The following PKIB variants were observed in gnomAD, a reference collection of about 807,000 sequenced individuals.
PKIB encodes the protein PKI-beta.
PKIB carries 2 observed loss-of-function variants against 4.5 expected under a neutral mutation model. That is an observed-to-expected ratio of 0.44 (90% CI 0.18 to 1.39). PKIB has a LOEUF of 1.39. Among genes scored for constraint, PKIB ranks in the 40% most tolerant of loss-of-function variants. The probability of loss-of-function intolerance (pLI) is 0.27; values close to 1 mark genes in which losing one functional copy is unlikely to be tolerated. For synonymous variants in PKIB, 38 were observed against 36.0 expected (o/e 1.06, Z -0.20); for missense variants, 94 against 92.6 (o/e 1.02, Z -0.06).
At chr6:122,566,386 A>G (rs948736208) in intron 2 of PKIB, among the ~76,000 whole-genome samples, 1 of 151,908 alleles carries the variant, frequency 6.6e-6, no homozygotes, top group African/African-American at 2.4e-5. Context: ...TTAATACTGA[A>G]CTCAATTATT....
intron 2 of PKIB, among the ~76,000 whole-genome samples, chr6:122,495,099 T>G (rs1776039404): frequency 6.6e-6 from 1 of 152,188 alleles, no homozygotes. Context: ...CAGCTTGGGC[T>G]CCCAGCACAG....
At chr6:122,654,301 T>C (rs1192838791) in intron 2 of PKIB, among the ~76,000 whole-genome samples, 2 of 152,212 alleles carry the variant, frequency 1.3e-5, no homozygotes, top group African/African-American at 4.8e-5. Flanking sequence ...AATAAGATCA[T>C]GTTTGTGTAA....
At chr6:122,690,933 T>TATATATATATATATA (rs397788048) in intron 3 of PKIB, among the ~76,000 whole-genome samples, 10 of 112,460 alleles carry the variant, frequency 8.9e-5, no homozygotes, top group African/African-American at 2.4e-4. Context: ...TATATATATA[T>TATATATATATATATA]TTTTTTTTTT....
At chr6:122,723,777 ACT>A (rs1441839211) in intron 4 of PKIB, among the ~76,000 whole-genome samples, 1 of 152,094 alleles carries the variant, frequency 6.6e-6, no homozygotes, top group African/African-American at 2.4e-5. Flanking sequence ...TTCCCAGCTA[ACT>A]CTGTCTAGAA....
intron 2 of PKIB, among the ~76,000 whole-genome samples, chr6:122,522,666 G>C (rs1459890873): frequency 1.3e-5 from 2 of 152,140 alleles, no homozygotes; most frequent in African/African-American, 4.8e-5. Flanking sequence ...AGTGGAGGGA[G>C]TTTCCCCAAC....
chr6:122,715,651 A>G (rs1487327301), intron 3 of PKIB, among the ~76,000 whole-genome samples: 5 of 149,414 alleles, frequency 3.3e-5, no homozygotes, highest in Non-Finnish European at 7.4e-5. Flanking sequence ...TATTTTATGT[A>G]TATATATATA....
intron 2 of PKIB, among the ~76,000 whole-genome samples, chr6:122,526,703 A>G (rs2114609939): frequency 6.6e-6 from 1 of 152,250 alleles, no homozygotes. Context: ...GAGCACAAGC[A>G]GAGTAGATTT....
intron 2 of PKIB, among the ~76,000 whole-genome samples, chr6:122,580,117 T>C (rs1487297478): frequency 6.6e-6 from 1 of 152,178 alleles, no homozygotes; most frequent in Non-Finnish European, 1.5e-5. Flanking sequence ...TAGTTTGATA[T>C]ATAAAAGCAT....
chr6:122,485,783 G>A (rs1775749667), intron 2 of PKIB, among the ~76,000 whole-genome samples: 1 of 152,196 alleles, frequency 6.6e-6, no homozygotes, highest in African/African-American at 2.4e-5. Flanking sequence ...TGCATCTGTT[G>A]AAGTCTTTAT....
intron 2 of PKIB, among the ~76,000 whole-genome samples, chr6:122,507,431 T>TA (rs1776443056): frequency 6.6e-6 from 1 of 152,182 alleles, no homozygotes; most frequent in Non-Finnish European, 1.5e-5. Flanking sequence ...TTGTTGTAGT[T>TA]ACAGGGAGAC....
chr6:122,612,593 T>G (rs185880423), intron 1 of PKIB, among the ~76,000 whole-genome samples: 51 of 152,326 alleles, frequency 3.3e-4, no homozygotes, highest in African/African-American at 1.1e-3. Flanking sequence ...ATAATGTTTT[T>G]GGGGTTCAGC....
At chr6:122,569,422 A>C (rs1183159340) in intron 2 of PKIB, among the ~76,000 whole-genome samples, 2 of 152,214 alleles carry the variant, frequency 1.3e-5, no homozygotes, top group Non-Finnish European at 1.5e-5. Flanking sequence ...AAACGGCTGC[A>C]TGACCTCAGC....
intron 2 of PKIB, among the ~76,000 whole-genome samples, chr6:122,501,654 G>C (rs1776240219): frequency 6.6e-6 from 1 of 152,178 alleles, no homozygotes; most frequent in Non-Finnish European, 1.5e-5. Context: ...CCTGAGTCTG[G>C]CCCATGAAAC....
intron 3 of PKIB, among the ~76,000 whole-genome samples, chr6:122,598,247 A>G (rs1774239107): frequency 6.6e-6 from 1 of 152,156 alleles, no homozygotes; most frequent in South Asian, 2.1e-4. Flanking sequence ...TCGACCTAGA[A>G]GTTTTCTGTT....
At chr6:122,475,313 A>T (rs117218445) in intron 1 of PKIB, among the ~76,000 whole-genome samples, 19 of 152,320 alleles carry the variant, frequency 1.2e-4, no homozygotes, top group Non-Finnish European at 2.2e-4. Context: ...AGCATAAAGG[A>T]AAATAAATGT....
At chr6:122,605,546 T>C (rs1162163805), upstream of PKIB, among the ~76,000 whole-genome samples, 3 of 152,210 alleles carry the variant, frequency 2.0e-5, no homozygotes, top group Admixed American at 6.5e-5. Context: ...GTGAATCTTA[T>C]ATTTCATATA....
At chr6:122,713,015 C>T (rs1354425872) in intron 3 of PKIB, among the ~76,000 whole-genome samples, 1 of 152,058 alleles carries the variant, frequency 6.6e-6, no homozygotes, top group Non-Finnish European at 1.5e-5. Flanking sequence ...AACATCTCGT[C>T]CTCTTGAGTA....
intron 3 of PKIB, 56 bp downstream of exon 3, chr6:122,675,200 A>G (rs548310937): frequency 3.3e-5 from 5 of 152,756 alleles, no homozygotes; most frequent in East Asian, 1.9e-4. Context: ...TGTGAAAGAA[A>G]TGGTTCCTAC....
At chr6:122,689,351 T>C (rs1247112192) in intron 3 of PKIB, among the ~76,000 whole-genome samples, 1 of 152,184 alleles carries the variant, frequency 6.6e-6, no homozygotes. Context: ...TATGCATCAT[T>C]GAGTTGATCA....
Sources: allele counts gnomAD v4.1 joint callset (sites outside exome capture counted in the v4.1 genomes callset), GRCh38; gene constraint gnomAD v4.1.1; transcripts MANE v1.5; gene names NCBI Gene and HGNC (gene_info 2026-07-23, HGNC 2026-07-21).